Variants in BRI3BP observed in about 807,000 individuals in gnomAD.
BRI3BP encodes the protein BRI3-binding protein.
BRI3BP carries 7 observed loss-of-function variants against 15.8 expected under a neutral mutation model. The observed-to-expected ratio is 0.44, with a 90% CI of 0.25 to 0.83. The LOEUF is 0.83. BRI3BP is among the 40% of genes least tolerant of loss of function. The probability of loss-of-function intolerance (pLI) is 0.20; values close to 1 mark genes in which losing one functional copy is unlikely to be tolerated. For synonymous variants in BRI3BP, 192 were observed against 163.5 expected, an observed-to-expected ratio of 1.17 and a Z score of -1.33; for missense variants, 320 against 339.3, an observed-to-expected ratio of 0.94 and a Z score of 0.45.
intron 2 of BRI3BP, among the ~76,000 whole-genome samples, chr12:125,023,504 A>G (rs1156502021): frequency 1.3e-5 from 2 of 152,226 alleles, no homozygotes; most frequent in Non-Finnish European, 2.9e-5. Context: ...AAATTGAAGG[A>G]CAATTTGCAG....
At chr12:124,999,080 C>CA (rs890798172) in intron 1 of BRI3BP, among the ~76,000 whole-genome samples, 14 of 151,382 alleles carry the variant, frequency 9.2e-5, no homozygotes, top group Non-Finnish European at 1.3e-4. Flanking sequence ...TCTTTGTCTC[C>CA]AAAAAAAACA....
chr12:125,023,661 C>T (rs1045340913), intron 2 of BRI3BP, among the ~76,000 whole-genome samples: 3 of 152,202 alleles, frequency 2.0e-5, no homozygotes, highest in African/African-American at 7.2e-5. Context: ...ATCCTCCCAC[C>T]TCAGCCTCCT....
intron 1 of BRI3BP, among the ~76,000 whole-genome samples, chr12:125,004,907 G>A (rs1955129105): frequency 6.6e-6 from 1 of 152,140 alleles, no homozygotes; most frequent in African/African-American, 2.4e-5. Flanking sequence ...GTGAAGTGGT[G>A]TGATCTCTGC....
chr12:124,996,723 A>G (rs1955043757), intron 1 of BRI3BP, among the ~76,000 whole-genome samples: 1 of 151,512 alleles, frequency 6.6e-6, no homozygotes, highest in South Asian at 2.1e-4. Context: ...CTGCTTTGTG[A>G]AGTTTAATGG....
intron 2 of BRI3BP, among the ~76,000 whole-genome samples, chr12:125,019,296 C>G (rs754381176): frequency 6.6e-6 from 1 of 152,080 alleles, no homozygotes; most frequent in Non-Finnish European, 1.5e-5. Flanking sequence ...TTGGACCACC[C>G]TTCCTTGGTT....
In BRI3BP at chr12:125,029,579, T is replaced by TATATAC. The variant is rs149881846; in HGVS notation, c.*4150_*4151insTATACA. Reference sequence around the variant, plus strand: ...GTGTGTATATATATGTATATATATATACACACACACACACTTTCCAATACC... The same window carrying TATATAC: ...GTGTGTATATATATGTATATATATATATATACACACACACACACACTTTCCAATACC... On this transcript the variant is annotated 3_prime_UTR_variant, in exon 3 of 3. Transcript: ENST00000341446. 2.6e-3 allele frequency: 388 copies of TATATAC among 147,626 alleles called. 3 individuals are homozygous for TATATAC. The highest frequency in any genetic ancestry group is 9.3e-3 in the African/African-American group (368 of 39,618). 9.1% of individuals were successfully genotyped at this position (147,626 alleles called of 1,614,324 possible). A position where few individuals can be genotyped will look rare whatever the true frequency, so the allele number is the denominator to read the frequency against.
chr12:125,021,257 GC>G (rs1955296068), intron 2 of BRI3BP, among the ~76,000 whole-genome samples: 1 of 152,202 alleles, frequency 6.6e-6, no homozygotes, highest in South Asian at 2.1e-4. Context: ...CTAGACACTG[GC>G]CAGCTGTGCG....
intron 1 of BRI3BP, among the ~76,000 whole-genome samples, chr12:125,009,078 C>T (rs1189677191): frequency 2.7e-5 from 4 of 149,142 alleles, no homozygotes; most frequent in Non-Finnish European, 6.0e-5. Flanking sequence ...CAGGTTCAAG[C>T]GATTCTCCTG....
chr12:125,038,345 G>A, the BRI3BP span, among the ~76,000 whole-genome samples: 122 of 152,078 alleles, frequency 8.0e-4, no homozygotes, highest in Non-Finnish European at 1.5e-3. Context: ...TCTTCAAATG[G>A]CAGTAATTCT....
chr12:125,003,954 AAAACACACACACACACACACACAC>A (rs1955118650), intron 1 of BRI3BP, among the ~76,000 whole-genome samples: 1 of 95,094 alleles, frequency 1.1e-5, no homozygotes, highest in Middle Eastern at 5.1e-3. Context: ...CTCCATCTCA[AAAACACACACACACACACACACAC>A]ACACACACAC....
At chr12:125,032,881 T>C (rs1955417104), downstream of BRI3BP, among the ~76,000 whole-genome samples, 1 of 152,154 alleles carries the variant, frequency 6.6e-6, no homozygotes, top group African/African-American at 2.4e-5. Flanking sequence ...AAGAGGAATG[T>C]CAAGTACAAG....
intron 2 of BRI3BP, among the ~76,000 whole-genome samples, chr12:125,016,337 A>G (rs1955243135): frequency 6.8e-6 from 1 of 147,170 alleles, no homozygotes. Flanking sequence ...GCACAATTCT[A>G]TAATTTCTTT....
downstream of BRI3BP, among the ~76,000 whole-genome samples, chr12:125,031,674 T>C (rs1486942952): frequency 7.2e-6 from 1 of 137,964 alleles, no homozygotes; most frequent in Non-Finnish European, 1.5e-5. Flanking sequence ...TCTCCTGGGC[T>C]CAAGCGAGCA....
chr12:125,011,643 G>A (rs371643525), intron 1 of BRI3BP, among the ~76,000 whole-genome samples: 1 of 152,200 alleles, frequency 6.6e-6, no homozygotes, highest in Non-Finnish European at 1.5e-5. Flanking sequence ...GCCAGGAAAT[G>A]AGAGGGAAGG....
intron 1 of BRI3BP, among the ~76,000 whole-genome samples, chr12:125,010,717 A>C (rs79805743): frequency 0.14 from 21,026 of 152,128 alleles, 1,557 homozygotes; most frequent in Admixed American, 0.16. Context: ...AGGAGGTTGC[A>C]GTGAGCCGAG....
chr12:125,038,963 G>C, the BRI3BP span, among the ~76,000 whole-genome samples: 2 of 152,004 alleles, frequency 1.3e-5, no homozygotes, highest in Non-Finnish European at 2.9e-5. Flanking sequence ...GGTGGCCGGC[G>C]CCTGTAATCC....
In BRI3BP at chr12:124,995,605, C is replaced by G. The variant is rs532437393; in HGVS notation, c.213+1602C>G. Among the ~76,000 whole-genome samples, 62 of 152,244 alleles carry G rather than the reference C, an allele frequency of 4.1e-4. 1 individual carries two copies. Among genetic ancestry groups the G allele is most frequent in the African/African-American group, 1.5e-3 (62 of 41,532 alleles). ...GGTCAGAGCTCTTCCTGGGCTAAAC[C>G]GGGGTTTGTGCCTTTAATAGAGATA... On this transcript the variant is annotated intron_variant, in intron 1 of 2. Coordinates refer to ENST00000341446, the MANE Select transcript of BRI3BP (RefSeq NM_080626.6).
chr12:125,009,534 C>T lies in BRI3BP; in HGVS notation c.214-3000C>T, dbSNP rs201035158. Among the ~76,000 whole-genome samples the T allele has an allele frequency of 2.4e-4, 36 of 152,256 alleles. No individual in the cohort carries two copies. In the East Asian group the frequency reaches 6.4e-3, roughly 27 times the overall value. On this transcript the variant is annotated intron_variant, in intron 1 of 2. Transcript: ENST00000341446. ...TGAACTCCTGGCCTCAGGTGATCTA[C>T]TCGCCTCGGCTTCCCAAAGTGCTGA... is the stretch of plus-strand genomic sequence containing the variant.
In BRI3BP at chr12:125,015,631, T is replaced by TG. The variant is rs1338647831; in HGVS notation, c.316+3000dup. On this transcript the variant is annotated intron_variant, in intron 2 of 2. Transcript: ENST00000341446. Reference sequence around the variant, plus strand: ...CCCATTGGTGCTTGACACCCAGAGATGGGGGAGTGGGGTCCACTGGCCATG... The same window carrying TG: ...CCCATTGGTGCTTGACACCCAGAGATGGGGGGAGTGGGGTCCACTGGCCATG... Among the ~76,000 whole-genome samples the TG allele has an allele frequency of 8.5e-5, 13 of 152,252 alleles. No homozygotes were observed. The South Asian group carries it at 2.3e-3, about 27-fold the overall frequency.
Sources: gnomAD v4.1 joint callset for allele counts (sites outside exome capture counted in the v4.1 genomes callset) on GRCh38, gnomAD v4.1.1 for gene constraint, MANE v1.5 for transcripts, NCBI Gene and HGNC (gene_info 2026-07-23, HGNC 2026-07-21) for gene names.